CYP2C18: variants seen among roughly 807,000 people sequenced by gnomAD.
CYP2C18 encodes cytochrome P450 family 2 subfamily C member 18, also known as cytochrome P450 2C18.
In CYP2C18, 38 loss-of-function variants were observed where a neutral mutation model predicts 41.3. The observed-to-expected ratio is 0.92, with a 90% CI of 0.71 to 1.21. CYP2C18 has a LOEUF of 1.21. Among genes scored for constraint, CYP2C18 ranks in the 50% most tolerant of loss-of-function variants. The probability of loss-of-function intolerance (pLI) is 0.00; values close to 1 mark genes in which losing one functional copy is unlikely to be tolerated. For missense variants in CYP2C18, 635 were observed against 591.4 expected (o/e 1.07, Z -0.77); for synonymous variants, 236 against 210.0 (o/e 1.12, Z -1.07).
intron 7 of CYP2C18, among the ~76,000 whole-genome samples, chr10:94,727,944 A>T (rs1189167727): frequency 6.6e-6 from 1 of 152,148 alleles, no homozygotes; most frequent in African/African-American, 2.4e-5. Flanking sequence ...CATAATAATA[A>T]TAACATTCAC....
At chr10:94,723,248 G>A (rs1473472191) in intron 6 of CYP2C18, among the ~76,000 whole-genome samples, 1 of 152,098 alleles carries the variant, frequency 6.6e-6, no homozygotes, top group Non-Finnish European at 1.5e-5. Flanking sequence ...AACCAATTCA[G>A]GGGAAATCAT....
chr10:94,695,621 G>T (rs1847101815), intron 4 of CYP2C18, among the ~76,000 whole-genome samples: 1 of 152,156 alleles, frequency 6.6e-6, no homozygotes, highest in Admixed American at 6.5e-5. Context: ...ACTAGGCAGT[G>T]TCAAACAGTG....
intron 5 of CYP2C18, among the ~76,000 whole-genome samples, chr10:94,716,726 T>C (rs901684196): frequency 6.6e-6 from 1 of 152,224 alleles, no homozygotes; most frequent in Non-Finnish European, 1.5e-5. Flanking sequence ...GTTCAATTCC[T>C]GGATATCCTT....
intron 7 of CYP2C18, among the ~76,000 whole-genome samples, chr10:94,731,730 T>G (rs1189551917): frequency 6.6e-6 from 1 of 152,188 alleles, no homozygotes. Flanking sequence ...AGACTCCCTA[T>G]TCAATAAATG....
At chr10:94,697,037 C>A (rs1401154982) in intron 4 of CYP2C18, among the ~76,000 whole-genome samples, 11 of 152,150 alleles carry the variant, frequency 7.2e-5, no homozygotes, top group Admixed American at 7.2e-4. Flanking sequence ...GAGAATGGAA[C>A]CAAGTTGGAA....
At chr10:94,717,893 C>G (rs544730776) in intron 5 of CYP2C18, among the ~76,000 whole-genome samples, 2 of 152,002 alleles carry the variant, frequency 1.3e-5, no homozygotes, top group Non-Finnish European at 2.9e-5. Context: ...TGTGATGCCT[C>G]CAGCTTTCTT....
At chr10:94,694,099 C>T (rs1847068271) in intron 3 of CYP2C18, among the ~76,000 whole-genome samples, 1 of 151,936 alleles carries the variant, frequency 6.6e-6, no homozygotes, top group Non-Finnish European at 1.5e-5. Context: ...AGAACAATAA[C>T]CGAGGATTCT....
At chr10:94,690,506 G>C (rs914698154) in intron 3 of CYP2C18, among the ~76,000 whole-genome samples, 1 of 152,096 alleles carries the variant, frequency 6.6e-6, no homozygotes, top group Non-Finnish European at 1.5e-5. Context: ...TCTCTGAATA[G>C]ACCAATAACA....
chr10:94,733,298 G>A lies in CYP2C18; in HGVS notation c.1151G>A (p.Gly384Asp). 6.2e-7 allele frequency: 1 copy of A among 1,611,606 alleles called. No homozygotes were observed. The highest frequency in any genetic ancestry group is 8.5e-7 in the Non-Finnish European group (1 of 1,178,682). Residue 384 changes from glycine (G) to aspartate (D), a missense_variant and splice_region_variant, in exon 8 of 9, where the codon GGC becomes GAC. Coordinates refer to ENST00000285979, the MANE Select transcript of CYP2C18 (RefSeq NM_000772.3). ...VKFKNYLIPK[G>D]TTIITSLTSV... ...GTTTGTCTGTTTTGCTATTTTCAGGGCACGACCATAATAACATCCCTGACT... is the reference window on the plus strand; with the variant it reads ...GTTTGTCTGTTTTGCTATTTTCAGGACACGACCATAATAACATCCCTGACT...
Position 94,694,922 on chromosome 10 carries a change from C to A in CYP2C18, c.487C>A (p.Pro163Thr). 3 of 1,611,804 alleles carry A rather than the reference C, an allele frequency of 1.9e-6. No individual in the cohort carries two copies. Among genetic ancestry groups the A allele is most frequent in the Non-Finnish European group, 2.5e-6 (3 of 1,179,488 alleles). Residue 163 changes from proline to threonine, a missense_variant, in exon 4 of 9, where the codon CCC (proline) becomes ACC (threonine). Coordinates refer to ENST00000285979, the MANE Select transcript of CYP2C18 (RefSeq NM_000772.3). ...AAATATTTCCAATCCTTTAGCCTCA[C>A]CCTGTGATCCCACTTTCATCCTGGG... ...VEELRKTNAS[P>T]CDPTFILGCA...
rs549307168 is a variant in CYP2C18 at position 94,689,150 on chromosome 10, A to T, written c.481+876A>T. Among the ~76,000 whole-genome samples, 3 of 152,250 alleles carry T rather than the reference A, an allele frequency of 2.0e-5. No individual in the cohort carries two copies. The East Asian group carries it at 5.8e-4, about 29-fold the overall frequency. Reference sequence around the variant, plus strand: ...TTATTTAATGTTACTATTTACTGTAATGTTTTATATATTTTAAGAAAATAT... The same window carrying T: ...TTATTTAATGTTACTATTTACTGTATTGTTTTATATATTTTAAGAAAATAT... On this transcript the variant is annotated intron_variant, in intron 3 of 8. Coordinates refer to ENST00000285979, the MANE Select transcript of CYP2C18 (RefSeq NM_000772.3).
In CYP2C18 at chr10:94,695,090, G is replaced by A; in HGVS notation, c.642+13G>A. 1.3e-6 allele frequency: 2 copies of A among 1,588,650 alleles called. No homozygotes were observed. Among genetic ancestry groups the A allele is most frequent in the South Asian group, 1.2e-5 (1 of 85,732 alleles). On this transcript the variant is annotated intron_variant, in intron 4 of 8. Coordinates refer to ENST00000285979, the MANE Select transcript of CYP2C18 (RefSeq NM_000772.3). ...TCCATGGATCCAGGTGAGATCAAGA[G>A]CTTCTCTTCCTGAGATATTATTTTT... is the stretch of plus-strand genomic sequence containing the variant.
chr10:94,690,319 A>G (rs1391083470), intron 3 of CYP2C18, among the ~76,000 whole-genome samples: 1 of 152,176 alleles, frequency 6.6e-6, no homozygotes, highest in African/African-American at 2.4e-5. Context: ...GATTTTTATT[A>G]TCTCCCTGAT....
At chr10:94,691,360 G>A (rs1179700024) in intron 3 of CYP2C18, among the ~76,000 whole-genome samples, 1 of 152,162 alleles carries the variant, frequency 6.6e-6, no homozygotes, top group Non-Finnish European at 1.5e-5. Flanking sequence ...AAATTCACAA[G>A]CATTCTTATA....
intron 5 of CYP2C18, among the ~76,000 whole-genome samples, chr10:94,719,261 G>C (rs758375234): frequency 6.6e-5 from 10 of 151,964 alleles, no homozygotes; most frequent in Non-Finnish European, 1.3e-4. Context: ...AAATTAACAT[G>C]GCTTAAACAA....
At chr10:94,712,137 C>T (rs1847448808) in intron 5 of CYP2C18, among the ~76,000 whole-genome samples, 1 of 149,774 alleles carries the variant, frequency 6.7e-6, no homozygotes, top group Non-Finnish European at 1.5e-5. Context: ...CATGAGCCAC[C>T]TCACCTGGCC....
At chr10:94,707,952 G>GC (rs201120187) in intron 5 of CYP2C18, among the ~76,000 whole-genome samples, 3,832 of 152,182 alleles carry the variant, frequency 0.025, 145 homozygotes, top group African/African-American at 0.075. Flanking sequence ...TAATATAGAT[G>GC]CTTCAGGACA....
chr10:94,721,128 C>T (rs532762033), intron 6 of CYP2C18, among the ~76,000 whole-genome samples: 1 of 152,212 alleles, frequency 6.6e-6, no homozygotes, highest in South Asian at 2.1e-4. Context: ...ATTCTCCTGC[C>T]TCAGCCTCCT....
chr10:94,687,826 G>A lies in CYP2C18; in HGVS notation c.225G>A (p.Val75=). 1.2e-6 allele frequency: 2 copies of A among 1,613,772 alleles called. No individual in the cohort carries two copies. Among genetic ancestry groups the A allele is most frequent in the Non-Finnish European group, 1.7e-6 (2 of 1,179,782 alleles). The change falls in exon 2 of 9, where the codon GTG becomes GTA. Residue 75 remains valine (V), a synonymous_variant. Transcript: ENST00000285979. Reference sequence around the variant, plus strand: ...TGTATTTTGGCCTGAAGCCCATTGTGGTGTTGCATGGATATGAAGCAGTGA... The same window carrying A: ...TGTATTTTGGCCTGAAGCCCATTGTAGTGTTGCATGGATATGAAGCAGTGA... ...FTVYFGLKPI[V]VLHGYEAVKE... is the part of the protein sequence containing the mutation.
Sources: allele counts gnomAD v4.1 joint callset (sites outside exome capture counted in the v4.1 genomes callset), GRCh38; gene constraint gnomAD v4.1.1; transcripts MANE v1.5; gene names NCBI Gene and HGNC (gene_info 2026-07-23, HGNC 2026-07-21).